CFAP300: variants seen among roughly 807,000 people sequenced by gnomAD.
CFAP300 encodes cilia and flagella associated protein 300, also known as cilia- and flagella-associated protein 300.
In CFAP300, 32 loss-of-function variants were observed where a neutral mutation model predicts 33.0. That is an observed-to-expected ratio of 0.97 (90% CI 0.73 to 1.30). CFAP300 has a LOEUF of 1.30. CFAP300 is among the 50% of genes most tolerant of loss of function. The pLI, the probability that CFAP300 is intolerant of heterozygous loss-of-function variation, is 0.00. For missense variants in CFAP300, 356 were observed against 318.1 expected, an observed-to-expected ratio of 1.12 and a Z score of -0.90; for synonymous variants, 102 against 106.8, an observed-to-expected ratio of 0.95 and a Z score of 0.28.
At chr11:102,049,034 C>T (rs2135008228) in intron 2 of CFAP300, among the ~76,000 whole-genome samples, 1 of 151,982 alleles carries the variant, frequency 6.6e-6, no homozygotes, top group Non-Finnish European at 1.5e-5. Flanking sequence ...CTTGGCAAGA[C>T]TACAATAAAT....
chr11:102,059,027 T>C (rs1942101187), intron 3 of CFAP300, 72 bp downstream of exon 3: 1 of 867,408 alleles, frequency 1.2e-6, no homozygotes, highest in Non-Finnish European at 1.8e-6. Flanking sequence ...GAATTTTCAT[T>C]ATTAAAATAT....
chr11:102,058,192 T>C (rs909668040), intron 2 of CFAP300, among the ~76,000 whole-genome samples: 2 of 152,144 alleles, frequency 1.3e-5, no homozygotes, highest in African/African-American at 4.8e-5. Flanking sequence ...GAACATTTTG[T>C]GGACTCCCTG....
intron 2 of CFAP300, among the ~76,000 whole-genome samples, chr11:102,052,821 A>G (rs1941990788): frequency 6.6e-6 from 1 of 152,208 alleles, no homozygotes; most frequent in Non-Finnish European, 1.5e-5. Context: ...TTACAACAGT[A>G]GCCTTCCTCC....
chr11:102,071,466 C>A (rs1401049961), intron 4 of CFAP300, among the ~76,000 whole-genome samples: 1 of 152,040 alleles, frequency 6.6e-6, no homozygotes, highest in Non-Finnish European at 1.5e-5. Flanking sequence ...TGAGGACATA[C>A]TTCTGTCATT....
intron 4 of CFAP300, among the ~76,000 whole-genome samples, chr11:102,069,053 G>T (rs1942270685): frequency 6.6e-6 from 1 of 152,092 alleles, no homozygotes; most frequent in Non-Finnish European, 1.5e-5. Flanking sequence ...TTTTAAAAAA[G>T]AAGTATTAGT....
At chr11:102,064,021 C>T (rs551322116) in intron 3 of CFAP300, among the ~76,000 whole-genome samples, 2 of 152,168 alleles carry the variant, frequency 1.3e-5, no homozygotes, top group African/African-American at 4.8e-5. Context: ...CCCAAAGGCC[C>T]CATCTCCAAC....
At position 102,084,309 on chromosome 11, in the gene CFAP300, A is replaced by T. The variant is rs1942516530; in HGVS notation, c.*1110A>T. 6.6e-6 allele frequency: 1 copy of T among 152,224 alleles called. No homozygotes were observed. The highest frequency in any genetic ancestry group is 1.5e-5 in the Non-Finnish European group (1 of 68,038). The allele number at this position is 152,224 out of a possible 1,614,324, so 9.4% of individuals were successfully genotyped here. A position where few individuals can be genotyped will look rare whatever the true frequency, so the allele number is the denominator to read the frequency against. ...TAAGAAATGTTGAGGTTTGAGGAGG[A>T]GCAAGTTTGAAAGATGTGTTTCTGT... On this transcript the variant is annotated 3_prime_UTR_variant, in exon 7 of 7. Transcript: ENST00000434758.
At chr11:102,061,648 A>G (rs1942150966) in intron 3 of CFAP300, among the ~76,000 whole-genome samples, 1 of 152,220 alleles carries the variant, frequency 6.6e-6, no homozygotes, top group East Asian at 1.9e-4. Flanking sequence ...CTATTTTACA[A>G]ATGAATAGTC....
intron 5 of CFAP300, among the ~76,000 whole-genome samples, chr11:102,080,448 G>A (rs995415304): frequency 5.3e-5 from 8 of 151,870 alleles, no homozygotes; most frequent in Non-Finnish European, 8.8e-5. Context: ...ATGGAGTTTC[G>A]CTCCTGTTGC....
intron 5 of CFAP300, 138 bp downstream of exon 5, chr11:102,076,183 C>G (rs1291114767): frequency 8.7e-6 from 7 of 808,128 alleles, no homozygotes; most frequent in Admixed American, 3.9e-5. Context: ...CCTTACCCCC[C>G]TCTCATAACC....
chr11:102,081,207 T>C lies in CFAP300; in HGVS notation c.609-8T>C. The C allele has an allele frequency of 6.3e-7, 1 of 1,598,880 alleles. No individual in the cohort carries two copies. The highest frequency in any genetic ancestry group is 8.5e-7 in the Non-Finnish European group (1 of 1,175,426). ...TATGTTAAAAGCACCTTTTCTTCCTTTTTTTAGTGTTCGAAAGAATCCTCA... is the reference window on the plus strand; with the variant it reads ...TATGTTAAAAGCACCTTTTCTTCCTCTTTTTAGTGTTCGAAAGAATCCTCA... On this transcript the variant is annotated splice_region_variant and splice_polypyrimidine_tract_variant and intron_variant, in intron 5 of 6. Coordinates refer to ENST00000434758, the MANE Select transcript of CFAP300 (RefSeq NM_032930.3).
chr11:102,047,617 G>A, intron 1 of CFAP300, 37 bp downstream of exon 1: 4 of 1,524,280 alleles, frequency 2.6e-6, no homozygotes, highest in Middle Eastern at 1.7e-4. Context: ...AGAGGCCCTT[G>A]GTCTTCGCGG....
intron 3 of CFAP300, among the ~76,000 whole-genome samples, chr11:102,061,840 G>T (rs1479105387): frequency 6.6e-6 from 1 of 152,154 alleles, no homozygotes; most frequent in Non-Finnish European, 1.5e-5. Context: ...TATAATGCTA[G>T]TACTAGGGAA....
chr11:102,069,341 T>C (rs1342607013), intron 4 of CFAP300, among the ~76,000 whole-genome samples: 1 of 152,220 alleles, frequency 6.6e-6, no homozygotes, highest in Non-Finnish European at 1.5e-5. Context: ...CTCACTGTAA[T>C]GTAGTAAGTA....
At chr11:102,064,007 A>T (rs1019883765) in intron 3 of CFAP300, among the ~76,000 whole-genome samples, 2 of 151,990 alleles carry the variant, frequency 1.3e-5, no homozygotes, top group Non-Finnish European at 2.9e-5. Flanking sequence ...AAACCCAATT[A>T]TTTCCCAAAG....
chr11:102,077,361 A>G (rs996947563), intron 5 of CFAP300, among the ~76,000 whole-genome samples: 2 of 152,242 alleles, frequency 1.3e-5, no homozygotes, highest in Non-Finnish European at 2.9e-5. Context: ...ACTGCTTTAC[A>G]GTGTCTAACC....
rs570725224 is a variant in CFAP300 at position 102,083,277 on chromosome 11, A to G, written c.*78A>G. 54 of 1,148,338 alleles carry G rather than the reference A, an allele frequency of 4.7e-5. No individual in the cohort carries two copies. In the African/African-American group the frequency reaches 8.2e-4, roughly 17 times the overall value. 71.1% of individuals were successfully genotyped at this position (1,148,338 alleles called of 1,614,324 possible). ...TTAATACTAACTTATAGATAAACAT[A>G]TACTTTGCAAATTAATTCAAGAAAA... On this transcript the variant is annotated 3_prime_UTR_variant, in exon 7 of 7. Transcript: ENST00000434758.
At chr11:102,077,204 G>A (rs1445230051) in intron 5 of CFAP300, among the ~76,000 whole-genome samples, 1 of 152,144 alleles carries the variant, frequency 6.6e-6, no homozygotes, top group African/African-American at 2.4e-5. Context: ...GTGTGCTGTG[G>A]AGGAGGAGAT....
chr11:102,068,313 T>C (rs1184342042), intron 4 of CFAP300, among the ~76,000 whole-genome samples: 1 of 152,142 alleles, frequency 6.6e-6, no homozygotes, highest in African/African-American at 2.4e-5. Context: ...ATCTTGTCTG[T>C]AGGAGAAAGG....
Sources: gnomAD v4.1 joint callset for allele counts (sites outside exome capture counted in the v4.1 genomes callset) on GRCh38, gnomAD v4.1.1 for gene constraint, MANE v1.5 for transcripts, NCBI Gene and HGNC (gene_info 2026-07-23, HGNC 2026-07-21) for gene names.